Variants in TUSC3 observed in about 807,000 individuals in gnomAD.
The protein encoded by TUSC3 is dolichyl-diphosphooligosaccharide--protein glycosyltransferase subunit TUSC3.
In TUSC3, 45 loss-of-function variants were observed where a neutral mutation model predicts 44.8. The observed-to-expected ratio is 1.00, with a 90% confidence interval of 0.79 to 1.29. The LOEUF (loss-of-function observed/expected upper bound fraction) is 1.29. Among genes scored for constraint, TUSC3 ranks in the 50% most tolerant of loss-of-function variants. TUSC3 has a pLI of 0.00. For missense variants in TUSC3, 519 were observed against 437.9 expected (o/e 1.19, Z -1.65); for synonymous variants, 212 against 152.9 (o/e 1.39, Z -2.85).
intron 1 of TUSC3, among the ~76,000 whole-genome samples, chr8:15,446,912 A>AAAC (rs374838545): frequency 1.3e-5 from 2 of 151,176 alleles, no homozygotes; most frequent in African/African-American, 4.9e-5. Context: ...AAAAAAAACA[A>AAAC]AGGAGGTAAA....
At chr8:15,565,230 G>C (rs1411375294) in intron 1 of TUSC3, among the ~76,000 whole-genome samples, 3 of 147,320 alleles carry the variant, frequency 2.0e-5, no homozygotes, top group Non-Finnish European at 1.5e-5. Flanking sequence ...TTTCTTACTT[G>C]GCATCATTCC....
intron 7 of TUSC3, among the ~76,000 whole-genome samples, chr8:15,733,815 G>C (rs1429645613): frequency 6.6e-6 from 1 of 152,156 alleles, no homozygotes. Context: ...ACTTTCACAG[G>C]CTGATCATTT....
the TUSC3 span, among the ~76,000 whole-genome samples, chr8:15,833,427 T>C: frequency 6.6e-6 from 1 of 152,186 alleles, no homozygotes; most frequent in Non-Finnish European, 1.5e-5. Context: ...ATTCCAGCAC[T>C]ATTCACATTA....
chr8:15,448,966 G>C (rs1034152618), intron 1 of TUSC3, among the ~76,000 whole-genome samples: 2 of 152,114 alleles, frequency 1.3e-5, no homozygotes, highest in Non-Finnish European at 2.9e-5. Context: ...ACTAATTGTA[G>C]AGTGTTTAGA....
chr8:15,469,295 G>T (rs933067566), intron 1 of TUSC3, among the ~76,000 whole-genome samples: 4 of 152,026 alleles, frequency 2.6e-5, no homozygotes, highest in African/African-American at 4.8e-5. Context: ...AATATACAAA[G>T]AACTCTTTAA....
At position 15,520,539 on chromosome 8, in the gene TUSC3, A is replaced by G. The variant is rs189677373; in HGVS notation, n.189+37056A>G. Among the ~76,000 whole-genome samples, 55 of 152,330 alleles carry G rather than the reference A, an allele frequency of 3.6e-4. 1 individual carries two copies. The East Asian group carries it at 8.1e-3, about 22-fold the overall frequency. The stretch of plus-strand genomic sequence containing the variant: ...TATGAAATCAAAAGAGTCCTATAAC[A>G]TGCCTTGAAACATTCCTGCCTCTGT... On this transcript the variant is annotated intron_variant and non_coding_transcript_variant, in intron 2 of 5. Coordinates refer to the TUSC3 transcript ENST00000503191.
the TUSC3 span, among the ~76,000 whole-genome samples, chr8:15,822,076 G>C: frequency 6.6e-6 from 1 of 152,126 alleles, no homozygotes; most frequent in South Asian, 2.1e-4. Context: ...TGGTGAATCA[G>C]ATACTGAGTA....
intron 1 of TUSC3, among the ~76,000 whole-genome samples, chr8:15,573,096 C>T (rs548591874): frequency 7.3e-5 from 11 of 150,830 alleles, no homozygotes; most frequent in Non-Finnish European, 1.5e-4. Flanking sequence ...ATCTGTGAAG[C>T]GCAGTTAAGC....
intron 2 of TUSC3, among the ~76,000 whole-genome samples, chr8:15,516,139 G>C (rs1801213722): frequency 2.0e-5 from 3 of 152,072 alleles, no homozygotes; most frequent in Admixed American, 2.0e-4. Flanking sequence ...TTTCATGGTT[G>C]AGTCAACTGA....
chr8:15,572,382 T>C (rs1348821391), intron 1 of TUSC3, among the ~76,000 whole-genome samples: 1 of 152,178 alleles, frequency 6.6e-6, no homozygotes, highest in East Asian at 1.9e-4. Context: ...CTTCATTGGA[T>C]TGAAGAGACT....
chr8:15,516,223 C>G lies in TUSC3; in HGVS notation n.189+32740C>G, dbSNP rs541981988. Among the ~76,000 whole-genome samples, 159 of 152,136 alleles carry G rather than the reference C, an allele frequency of 1.0e-3. 2 individuals carry two copies. Among genetic ancestry groups the G allele is most frequent in the African/African-American group, 3.7e-3 (153 of 41,518 alleles). ...GAATTGACATATCTTATATTCTGTC[C>G]TTGATATATTCAGTGTATAGTTAGT... On this transcript the variant is annotated intron_variant and non_coding_transcript_variant, in intron 2 of 5. Transcript: ENST00000503191.
At chr8:15,826,194 G>A in the TUSC3 span, among the ~76,000 whole-genome samples, 1 of 152,080 alleles carries the variant, frequency 6.6e-6, no homozygotes, top group African/African-American at 2.4e-5. Flanking sequence ...ACTTAAGAAT[G>A]TAATTCTAGG....
intron 1 of TUSC3, among the ~76,000 whole-genome samples, chr8:15,582,075 G>T (rs1228585700): frequency 6.6e-6 from 1 of 152,028 alleles, no homozygotes; most frequent in Non-Finnish European, 1.5e-5. Context: ...CGATTTTCCA[G>T]GTGCGTCTGT....
At chr8:15,520,266 A>C (rs1319331798) in intron 2 of TUSC3, among the ~76,000 whole-genome samples, 2 of 152,198 alleles carry the variant, frequency 1.3e-5, no homozygotes, top group African/African-American at 4.8e-5. Context: ...GGATATAGAT[A>C]TGTTTAAATA....
the TUSC3 span, among the ~76,000 whole-genome samples, chr8:15,850,667 T>TA: frequency 1.5e-4 from 23 of 152,228 alleles, no homozygotes; most frequent in African/African-American, 5.5e-4. Flanking sequence ...ATTAAAAGAA[T>TA]AAAATGAAAC....
chr8:15,712,566 C>T (rs950924693), intron 6 of TUSC3, among the ~76,000 whole-genome samples: 3 of 152,016 alleles, frequency 2.0e-5, no homozygotes, highest in African/African-American at 7.2e-5. Context: ...AAAGGATTTA[C>T]GTGGTCTCCA....
At chr8:15,723,264 G>T (rs1320910963) in intron 6 of TUSC3, among the ~76,000 whole-genome samples, 1 of 152,114 alleles carries the variant, frequency 6.6e-6, no homozygotes, top group Non-Finnish European at 1.5e-5. Context: ...ATTGCTAAAC[G>T]ATGTCCTGCA....
intron 1 of TUSC3, among the ~76,000 whole-genome samples, chr8:15,541,610 A>C (rs373827332): frequency 1.3e-5 from 2 of 152,116 alleles, no homozygotes; most frequent in Non-Finnish European, 2.9e-5. Flanking sequence ...TGTGTGTTCA[A>C]TTTTAACTAA....
At chr8:15,443,636 A>T (rs1019868695) in intron 1 of TUSC3, among the ~76,000 whole-genome samples, 1 of 152,120 alleles carries the variant, frequency 6.6e-6, no homozygotes, top group Non-Finnish European at 1.5e-5. Flanking sequence ...TAAAACAAAG[A>T]TGATAACAGC....
Sources: gnomAD v4.1 joint callset for allele counts (sites outside exome capture counted in the v4.1 genomes callset) on GRCh38, gnomAD v4.1.1 for gene constraint, MANE v1.5 for transcripts, NCBI Gene and HGNC (gene_info 2026-07-23, HGNC 2026-07-21) for gene names.